RYR2: variants seen among roughly 807,000 people sequenced by gnomAD.
The protein encoded by RYR2 is ryanodine receptor 2, also known as cardiac muscle ryanodine receptor-calcium release channel.
Under a neutral mutation model 601.1 loss-of-function variants are expected in RYR2, and 227 were observed. That is an observed-to-expected ratio of 0.38 (90% CI 0.34 to 0.42). The LOEUF (loss-of-function observed/expected upper bound fraction) is 0.42. Ranked by LOEUF, RYR2 falls within the 10% of genes least tolerant of loss-of-function variation. The pLI, the probability that RYR2 is intolerant of heterozygous loss-of-function variation, is 1.00. For synonymous variants in RYR2, 2,223 were observed against 2,175.1 expected, an observed-to-expected ratio of 1.02 and a Z score of -0.61; for missense variants, 4,646 against 6,156.5, an observed-to-expected ratio of 0.75 and a Z score of 8.21.
At chr1:237,312,940 A>G (rs1694718419) in intron 2 of RYR2, among the ~76,000 whole-genome samples, 1 of 152,170 alleles carries the variant, frequency 6.6e-6, no homozygotes, top group South Asian at 2.1e-4. Flanking sequence ...CATTAAAACA[A>G]AACACCAAGA....
intron 16 of RYR2, 104 bp from the exon 17 acceptor site, chr1:237,468,988 G>A: frequency 1.2e-6 from 1 of 825,938 alleles, no homozygotes; most frequent in Non-Finnish European, 2.0e-6. Flanking sequence ...ATGTAACAGA[G>A]GATATTTTGT....
At chr1:237,099,950 G>A (rs770799998) in intron 1 of RYR2, among the ~76,000 whole-genome samples, 13 of 152,202 alleles carry the variant, frequency 8.5e-5, no homozygotes, top group African/African-American at 1.9e-4. Context: ...TGAACCCAGC[G>A]GAGGGGCTCT....
At chr1:237,081,809 T>G (rs1665712520) in intron 1 of RYR2, among the ~76,000 whole-genome samples, 1 of 152,126 alleles carries the variant, frequency 6.6e-6, no homozygotes, top group Non-Finnish European at 1.5e-5. Flanking sequence ...ATGAAAAGTC[T>G]TCAGTTTCTC....
At chr1:237,358,299 A>G (rs1699472038) in intron 4 of RYR2, among the ~76,000 whole-genome samples, 1 of 152,152 alleles carries the variant, frequency 6.6e-6, no homozygotes, top group Non-Finnish European at 1.5e-5. Context: ...CTTGTCAGGA[A>G]TCGAGCTGGA....
rs530411930 is a variant in RYR2, at chr1:237,303,151, G to A, written c.169-27727G>A. ...TGGCATATAGCTGCCATTTATACACGTGGTCACAAACCACATGATATTGCA... is the reference window on the plus strand; with the variant it reads ...TGGCATATAGCTGCCATTTATACACATGGTCACAAACCACATGATATTGCA... On this transcript the variant is annotated intron_variant, in intron 2 of 104. Coordinates refer to ENST00000366574, the MANE Select transcript of RYR2 (RefSeq NM_001035.3). 2.4e-3 allele frequency among the ~76,000 whole-genome samples: 370 copies of A among 152,102 alleles called. 1 individual carries two copies. The highest frequency in any genetic ancestry group is 8.3e-3 in the African/African-American group (345 of 41,514).
At chr1:237,424,442 T>C (rs1187406078) in intron 12 of RYR2, among the ~76,000 whole-genome samples, 1 of 152,200 alleles carries the variant, frequency 6.6e-6, no homozygotes, top group African/African-American at 2.4e-5. Context: ...TAGTATTCAA[T>C]CGCCTTTCCC....
intron 2 of RYR2, among the ~76,000 whole-genome samples, chr1:237,291,138 A>G (rs2149419669): frequency 6.6e-6 from 1 of 152,334 alleles, no homozygotes; most frequent in South Asian, 2.1e-4. Flanking sequence ...TCCAAGAAAT[A>G]TACCTGGCCT....
At position 237,765,641 on chromosome 1, in the gene RYR2, C is replaced by A. The variant is rs573747995; in HGVS notation, c.11476+4613C>A. Among the ~76,000 whole-genome samples, 10 of 152,268 alleles carry A rather than the reference C, an allele frequency of 6.6e-5. No homozygotes were observed. The South Asian group carries it at 1.9e-3, about 28-fold the overall frequency. ...TGATTGCTTAATTATTTATGGGCTA[C>A]CTTTTCCTCAAGATTTTCCAAATAC... On this transcript the variant is annotated intron_variant, in intron 84 of 104. Transcript: ENST00000366574.
intron 1 of RYR2, among the ~76,000 whole-genome samples, chr1:237,179,446 C>T (rs1193210639): frequency 6.6e-6 from 1 of 151,754 alleles, no homozygotes; most frequent in Non-Finnish European, 1.5e-5. Flanking sequence ...ACTAGGAATA[C>T]CTTCAGAAGT....
Position 237,684,753 on chromosome 1 carries a change from T to C in RYR2, c.9018-2702T>C, listed in dbSNP as rs553688480. 3.5e-4 allele frequency among the ~76,000 whole-genome samples: 45 copies of C among 129,928 alleles called. No homozygotes were observed. In the South Asian group the frequency reaches 0.011, roughly 31 times the overall value. 85.2% of individuals were successfully genotyped at this position (129,928 alleles called of 152,430 possible). A position where few individuals can be genotyped will look rare whatever the true frequency, so the allele number is the denominator to read the frequency against. On this transcript the variant is annotated intron_variant, in intron 62 of 104. Transcript: ENST00000366574. ...AGAGATTAGAGCAAGAAATGACATA[T>C]TTGGGGATTATCTGAACACATATAT... is the stretch of plus-strand genomic sequence containing the variant.
chr1:237,102,000 T>C (rs1366459485), intron 1 of RYR2, among the ~76,000 whole-genome samples: 1 of 152,082 alleles, frequency 6.6e-6, no homozygotes, highest in Admixed American at 6.6e-5. Flanking sequence ...CTCTTGATGG[T>C]GAGTGTTATA....
In RYR2 at chr1:237,534,375, A is replaced by G. The variant is rs115713925; in HGVS notation, c.2906+3865A>G. On this transcript the variant is annotated intron_variant, in intron 25 of 104. Coordinates refer to ENST00000366574, the MANE Select transcript of RYR2 (RefSeq NM_001035.3). ...AATAGACAAATATGCAATCACAGTG[A>G]TAGACCTAACACAAATCTCAGAAAC... is the stretch of plus-strand genomic sequence containing the variant. Among the ~76,000 whole-genome samples, 475 of 152,226 alleles carry G rather than the reference A, an allele frequency of 3.1e-3. 1 individual carries two copies. The highest frequency in any genetic ancestry group is 0.011 in the African/African-American group (453 of 41,596).
At chr1:237,395,145 C>T (rs903754216) in intron 10 of RYR2, among the ~76,000 whole-genome samples, 1 of 152,094 alleles carries the variant, frequency 6.6e-6, no homozygotes, top group Non-Finnish European at 1.5e-5. Context: ...ACCATATCAC[C>T]ATCTTTTAAG....
At chr1:237,631,878 TTGGCCTC>T (rs1434371081) in intron 42 of RYR2, among the ~76,000 whole-genome samples, 30 of 49,220 alleles carry the variant, frequency 6.1e-4, no homozygotes, top group Middle Eastern at 6.4e-3. Flanking sequence ...TCCGCCCGCC[TTGGCCTC>T]CCCTCCCGAA....
chr1:237,297,879 T>C (rs1246958711), intron 2 of RYR2, among the ~76,000 whole-genome samples: 1 of 151,600 alleles, frequency 6.6e-6, no homozygotes, highest in East Asian at 1.9e-4. Flanking sequence ...GCCTCCCAAG[T>C]AGCTGGGACT....
chr1:237,493,174 T>A, intron 19 of RYR2, 87 bp downstream of exon 19: 1 of 1,424,118 alleles, frequency 7.0e-7, no homozygotes, highest in Non-Finnish European at 9.8e-7. Flanking sequence ...ATATGGTCTG[T>A]TTTTTAAATT....
chr1:237,494,698 A>G (rs1663841211), intron 19 of RYR2, among the ~76,000 whole-genome samples: 1 of 152,240 alleles, frequency 6.6e-6, no homozygotes, highest in Non-Finnish European at 1.5e-5. Context: ...TGATAGTAGT[A>G]ACATTGACAT....
chr1:237,483,173 G>A (rs1662303299), intron 17 of RYR2, among the ~76,000 whole-genome samples: 2 of 152,066 alleles, frequency 1.3e-5, no homozygotes, highest in Non-Finnish European at 2.9e-5. Context: ...TATCTCCCCT[G>A]AATTCTCCTC....
chr1:237,562,058 G>A (rs114458752), intron 27 of RYR2, among the ~76,000 whole-genome samples: 3,758 of 152,188 alleles, frequency 0.025, 146 homozygotes, highest in African/African-American at 0.084. Flanking sequence ...ATTGAATCAA[G>A]CCTTATGTAA....
Sources: gnomAD v4.1 joint callset for allele counts (sites outside exome capture counted in the v4.1 genomes callset) on GRCh38, gnomAD v4.1.1 for gene constraint, MANE v1.5 for transcripts, NCBI Gene and HGNC (gene_info 2026-07-23, HGNC 2026-07-21) for gene names.